The following ITPR1 variants were observed in gnomAD, a reference collection of about 807,000 sequenced individuals.
ITPR1 encodes the protein inositol 1,4,5-trisphosphate-gated calcium channel ITPR1.
In ITPR1, 96 loss-of-function variants were observed where a neutral mutation model predicts 318.4. That is an observed-to-expected ratio of 0.30 (90% CI 0.26 to 0.36). ITPR1 has a LOEUF of 0.36. ITPR1 is among the 10% of genes least tolerant of loss of function. The pLI is 1.00. For missense variants in ITPR1, 2,440 were observed against 3,460.2 expected, an observed-to-expected ratio of 0.71 and a Z score of 7.40; for synonymous variants, 1,312 against 1,289.9, an observed-to-expected ratio of 1.02 and a Z score of -0.37.
At chr3:4,828,941 T>G (rs548466891) in intron 60 of ITPR1, among the ~76,000 whole-genome samples, 1 of 152,180 alleles carries the variant, frequency 6.6e-6, no homozygotes, top group South Asian at 2.1e-4. Flanking sequence ...CCTAAAATTT[T>G]TATCCCAAAG....
chr3:4,495,205 G>A (rs939434827), intron 2 of ITPR1, among the ~76,000 whole-genome samples: 5 of 143,286 alleles, frequency 3.5e-5, no homozygotes, highest in African/African-American at 7.7e-5. Context: ...ACGGGTGCAC[G>A]TACATCACTA....
At chr3:4,526,259 T>A (rs1032087194) in intron 4 of ITPR1, among the ~76,000 whole-genome samples, 3 of 152,154 alleles carry the variant, frequency 2.0e-5, no homozygotes, top group Non-Finnish European at 2.9e-5. Context: ...GAGGAGAAGT[T>A]GGGGCAGGAA....
chr3:4,832,936 A>G (rs1430268697), intron 60 of ITPR1, among the ~76,000 whole-genome samples: 1 of 151,996 alleles, frequency 6.6e-6, no homozygotes, highest in Non-Finnish European at 1.5e-5. Context: ...TTCAGCACAC[A>G]CTCTTTAGAC....
intron 4 of ITPR1, among the ~76,000 whole-genome samples, chr3:4,598,755 G>A (rs2125078445): frequency 6.6e-6 from 1 of 152,332 alleles, no homozygotes; most frequent in Admixed American, 6.5e-5. Context: ...TTGTCCCAAT[G>A]TAGTTTTCCA....
chr3:4,845,251 T>C (rs2051675877), intron 61 of ITPR1, among the ~76,000 whole-genome samples: 1 of 152,230 alleles, frequency 6.6e-6, no homozygotes, highest in Non-Finnish European at 1.5e-5. Context: ...AACAATTTTC[T>C]TGAATATATA....
At chr3:4,685,965 G>A (rs781216868) in intron 30 of ITPR1, among the ~76,000 whole-genome samples, 12 of 152,210 alleles carry the variant, frequency 7.9e-5, no homozygotes, top group Non-Finnish European at 1.2e-4. Context: ...CTGCTAGAGA[G>A]ACTGATTTGC....
chr3:4,500,629 C>T (rs1473551613), intron 2 of ITPR1, among the ~76,000 whole-genome samples: 1 of 152,102 alleles, frequency 6.6e-6, no homozygotes, highest in South Asian at 2.1e-4. Context: ...AAAGTATTTC[C>T]AAAATGCAAT....
intron 43 of ITPR1, among the ~76,000 whole-genome samples, chr3:4,734,635 C>G (rs1417246453): frequency 6.6e-6 from 1 of 152,228 alleles, no homozygotes; most frequent in African/African-American, 2.4e-5. Flanking sequence ...TTCATCTCCC[C>G]CATCCCCAGC....
intron 4 of ITPR1, among the ~76,000 whole-genome samples, chr3:4,564,340 G>A (rs1382401182): frequency 1.3e-5 from 2 of 152,174 alleles, no homozygotes; most frequent in African/African-American, 4.8e-5. Context: ...TGGCTCTGCT[G>A]TATTTCTTCT....
intron 2 of ITPR1, among the ~76,000 whole-genome samples, chr3:4,501,578 G>C (rs1312252645): frequency 1.3e-5 from 2 of 152,206 alleles, no homozygotes; most frequent in Non-Finnish European, 2.9e-5. Flanking sequence ...TGGTTCCTTT[G>C]CTTTTTCATG....
At chr3:4,754,514 C>T (rs1474543166) in intron 44 of ITPR1, among the ~76,000 whole-genome samples, 2 of 152,152 alleles carry the variant, frequency 1.3e-5, no homozygotes, top group Non-Finnish European at 2.9e-5. Flanking sequence ...CCAGAGGATA[C>T]TTGTCATTGA....
At chr3:4,516,423 C>G in intron 2 of ITPR1, 53 bp from the exon 3 acceptor site, 1 of 970,118 alleles carries the variant, frequency 1.0e-6, no homozygotes, top group South Asian at 1.7e-5. Context: ...ACTTTTTTCC[C>G]CTTCTGAACA....
chr3:4,587,081 C>T (rs1032796143), intron 4 of ITPR1, among the ~76,000 whole-genome samples: 4 of 152,078 alleles, frequency 2.6e-5, no homozygotes, highest in Non-Finnish European at 5.9e-5. Flanking sequence ...TTTACATTTC[C>T]CTGGAGATTT....
intron 24 of ITPR1, among the ~76,000 whole-genome samples, chr3:4,680,191 T>G (rs1377873969): frequency 2.0e-5 from 3 of 152,192 alleles, no homozygotes; most frequent in Non-Finnish European, 4.4e-5. Flanking sequence ...GCAGGCAACT[T>G]CACTCTTTTC....
chr3:4,761,851 G>A (rs2125364882), intron 44 of ITPR1, among the ~76,000 whole-genome samples: 1 of 152,326 alleles, frequency 6.6e-6, no homozygotes, highest in East Asian at 1.9e-4. Context: ...CCCCACCCAA[G>A]CCCTGCAAAC....
chr3:4,580,406 C>T (rs1442138741), intron 4 of ITPR1, among the ~76,000 whole-genome samples: 1 of 152,170 alleles, frequency 6.6e-6, no homozygotes, highest in African/African-American at 2.4e-5. Context: ...CCACATTACC[C>T]TCTCAAAGTG....
At chr3:4,813,953 T>C (rs535011057) in intron 57 of ITPR1, among the ~76,000 whole-genome samples, 1 of 152,296 alleles carries the variant, frequency 6.6e-6, no homozygotes, top group East Asian at 1.9e-4. Flanking sequence ...CCAGTGAGAA[T>C]GAACAGCCTC....
intron 4 of ITPR1, among the ~76,000 whole-genome samples, chr3:4,600,054 G>A (rs115952132): frequency 6.6e-6 from 1 of 152,278 alleles, no homozygotes; most frequent in African/African-American, 2.4e-5. Flanking sequence ...AGCATTGTAT[G>A]TACAAATGGA....
At chr3:4,816,013 CACAT>C (rs968782899) in intron 59 of ITPR1, among the ~76,000 whole-genome samples, 6 of 146,382 alleles carry the variant, frequency 4.1e-5, no homozygotes, top group African/African-American at 1.5e-4. Context: ...CACACACACA[CACAT>C]TTTCTAATGT....
Sources: allele counts gnomAD v4.1 joint callset (sites outside exome capture counted in the v4.1 genomes callset), GRCh38; gene constraint gnomAD v4.1.1; transcripts MANE v1.5; gene names NCBI Gene and HGNC (gene_info 2026-07-23, HGNC 2026-07-21).